Variants in ETFA observed in about 807,000 individuals in gnomAD.
ETFA encodes electron transfer flavoprotein subunit alpha, mitochondrial.
ETFA carries 22 observed loss-of-function variants against 46.2 expected under a neutral mutation model. That is an observed-to-expected ratio of 0.48 (90% CI 0.34 to 0.68). The LOEUF (loss-of-function observed/expected upper bound fraction) is 0.68. Among genes scored for constraint, ETFA ranks in the 30% least tolerant of loss-of-function variants. The probability of loss-of-function intolerance (pLI) is 0.01; values close to 1 mark genes in which losing one functional copy is unlikely to be tolerated. For synonymous variants in ETFA, 131 were observed against 139.9 expected (o/e 0.94, Z 0.45); for missense variants, 345 against 401.1 (o/e 0.86, Z 1.19).
intron 8 of ETFA, 86 bp from the exon 9 acceptor site, chr15:76,274,580 T>C (rs968414000): frequency 8.3e-6 from 9 of 1,084,782 alleles, no homozygotes; most frequent in Admixed American, 4.0e-5. Context: ...AACAAAGACA[T>C]TGATTTAGAA....
intron 1 of ETFA, among the ~76,000 whole-genome samples, chr15:76,304,661 CAA>C (rs796277864): frequency 1.1e-3 from 93 of 87,076 alleles, no homozygotes; most frequent in African/African-American, 2.1e-3. Flanking sequence ...GACTCTATTT[CAA>C]AAAAAAAAAA....
At chr15:76,230,026 T>C (rs2039047762) in intron 10 of ETFA, 1 of 151,558 alleles carries the variant, frequency 6.6e-6, no homozygotes, top group African/African-American at 2.4e-5. Flanking sequence ...CTTATGCCAG[T>C]AATCCCAGCA....
intron 9 of ETFA, among the ~76,000 whole-genome samples, chr15:76,246,779 G>C (rs1352551032): frequency 6.6e-6 from 1 of 151,674 alleles, no homozygotes; most frequent in African/African-American, 2.4e-5. Flanking sequence ...CTTGCAGTGA[G>C]CCGAGATCAT....
intron 9 of ETFA, among the ~76,000 whole-genome samples, chr15:76,269,923 A>T (rs2141509726): frequency 6.6e-6 from 1 of 152,334 alleles, no homozygotes; most frequent in East Asian, 1.9e-4. Context: ...CAATTCAACT[A>T]AAAAAGGGCA....
At chr15:76,225,682 C>T (rs1408736591) in intron 11 of ETFA, among the ~76,000 whole-genome samples, 167 bp downstream of exon 11, 1 of 152,202 alleles carries the variant, frequency 6.6e-6, no homozygotes, top group South Asian at 2.1e-4. Flanking sequence ...CTTAGAGCAA[C>T]TTAACTTTAA....
At chr15:76,241,841 A>AC (rs1272102559) in intron 9 of ETFA, among the ~76,000 whole-genome samples, 1 of 61,252 alleles carries the variant, frequency 1.6e-5, no homozygotes, top group Admixed American at 2.5e-4. Context: ...TTTGACTATC[A>AC]AATTTTTTTT....
chr15:76,265,011 C>T (rs1264564950), intron 9 of ETFA, among the ~76,000 whole-genome samples: 1 of 152,214 alleles, frequency 6.6e-6, no homozygotes, highest in Non-Finnish European at 1.5e-5. Context: ...GGCCTGCCTT[C>T]GGCCCCTCAA....
chr15:76,257,564 T>C (rs2039357440), intron 9 of ETFA, among the ~76,000 whole-genome samples: 1 of 152,252 alleles, frequency 6.6e-6, no homozygotes, highest in South Asian at 2.1e-4. Context: ...TTTTACAATG[T>C]TGGTGGGACT....
At chr15:76,219,034 G>A (rs775875373) in intron 11 of ETFA, among the ~76,000 whole-genome samples, 3 of 152,090 alleles carry the variant, frequency 2.0e-5, no homozygotes, top group Admixed American at 1.3e-4. Context: ...AGATCAGTGT[G>A]GATTAGGAAA....
At chr15:76,222,396 A>T (rs1320623930) in intron 11 of ETFA, among the ~76,000 whole-genome samples, 3 of 152,060 alleles carry the variant, frequency 2.0e-5, no homozygotes. Flanking sequence ...GATTTTTTAA[A>T]AACGAGATCG....
chr15:76,297,958 A>G (rs2039842167), intron 1 of ETFA, among the ~76,000 whole-genome samples: 1 of 152,132 alleles, frequency 6.6e-6, no homozygotes, highest in Non-Finnish European at 1.5e-5. Flanking sequence ...TAGAACCTAG[A>G]GCAGAAGAAA....
chr15:76,230,167 A>AAAAT (rs1230073670), intron 10 of ETFA: 3 of 149,116 alleles, frequency 2.0e-5, no homozygotes, highest in Non-Finnish European at 3.0e-5. Flanking sequence ...TTGTCTCAAA[A>AAAAT]AAATAAATAA....
At chr15:76,303,974 G>A (rs536907024) in intron 1 of ETFA, among the ~76,000 whole-genome samples, 7 of 152,220 alleles carry the variant, frequency 4.6e-5, no homozygotes, top group African/African-American at 1.7e-4. Flanking sequence ...CTACCATAAA[G>A]ATACATGCAT....
chr15:76,222,940 A>C (rs1810347), intron 11 of ETFA, among the ~76,000 whole-genome samples: 141,328 of 151,870 alleles, frequency 0.93, 66,560 homozygotes, highest in East Asian at 1. Context: ...GCCCACGTGA[A>C]CCTCCTACCT....
At chr15:76,216,871 G>A (rs572468348) in intron 11 of ETFA, among the ~76,000 whole-genome samples, 53 of 111,602 alleles carry the variant, frequency 4.7e-4, no homozygotes, top group African/African-American at 1.8e-3. Context: ...TTTGAGACAG[G>A]CTCTCACTCT....
intron 9 of ETFA, among the ~76,000 whole-genome samples, chr15:76,255,476 T>C (rs1490801471): frequency 6.6e-6 from 1 of 152,248 alleles, no homozygotes; most frequent in African/African-American, 2.4e-5. Flanking sequence ...CATTGCTGAA[T>C]TCCTGCTTTG....
intron 9 of ETFA, among the ~76,000 whole-genome samples, chr15:76,266,069 C>G (rs1161869007): frequency 6.6e-6 from 1 of 152,180 alleles, no homozygotes; most frequent in East Asian, 1.9e-4. Flanking sequence ...TGGAATTCTC[C>G]TGTATTTGTC....
At chr15:76,243,007 G>C (rs143306969) in intron 9 of ETFA, among the ~76,000 whole-genome samples, 6 of 152,166 alleles carry the variant, frequency 3.9e-5, no homozygotes, top group Non-Finnish European at 7.4e-5. Context: ...CTTAAAAATC[G>C]TTAAAACAAC....
chr15:76,254,467 C>T (rs2141485815), intron 9 of ETFA, among the ~76,000 whole-genome samples: 1 of 152,274 alleles, frequency 6.6e-6, no homozygotes, highest in South Asian at 2.1e-4. Context: ...TAACAGAATC[C>T]ATAATCTCTA....
Sources: allele counts gnomAD v4.1 joint callset (sites outside exome capture counted in the v4.1 genomes callset), GRCh38; gene constraint gnomAD v4.1.1; transcripts MANE v1.5; gene names NCBI Gene and HGNC (gene_info 2026-07-23, HGNC 2026-07-21).